WDR7: variants seen among roughly 807,000 people sequenced by gnomAD.
WDR7 encodes WD repeat domain 7.
A neutral mutation model predicts 169.4 loss-of-function variants in WDR7; 46 were observed. The ratio of observed to expected loss-of-function variants is 0.27; its 90% confidence interval spans 0.21 to 0.35. The LOEUF (loss-of-function observed/expected upper bound fraction) is 0.35, where lower values mean the gene tolerates loss of function less well. WDR7 is among the 10% of genes least tolerant of loss of function. The pLI, the probability that WDR7 is intolerant of heterozygous loss-of-function variation, is 1.00. For missense variants in WDR7, 1,534 were observed against 1,859.3 expected, an observed-to-expected ratio of 0.83 and a Z score of 3.22; for synonymous variants, 612 against 666.8, an observed-to-expected ratio of 0.92 and a Z score of 1.27.
intron 21 of WDR7, among the ~76,000 whole-genome samples, chr18:56,897,674 C>A (rs901240117): frequency 1.3e-5 from 2 of 151,472 alleles, no homozygotes; most frequent in African/African-American, 4.8e-5. Flanking sequence ...TATTGTTGAG[C>A]CAAATAAAAG....
chr18:56,801,427 A>ATC (rs1715160594), intron 19 of WDR7, among the ~76,000 whole-genome samples: 1 of 152,204 alleles, frequency 6.6e-6, no homozygotes. Flanking sequence ...TCTACAGTTC[A>ATC]TCCTGGGTTC....
chr18:56,765,534 A>G (rs1418790141), intron 16 of WDR7, among the ~76,000 whole-genome samples: 3 of 151,908 alleles, frequency 2.0e-5, no homozygotes, highest in Non-Finnish European at 2.9e-5. Context: ...AGCATTTCTC[A>G]TCTCCTGGTC....
intron 12 of WDR7, among the ~76,000 whole-genome samples, chr18:56,711,896 A>G (rs1598982157): frequency 6.6e-6 from 1 of 152,116 alleles, no homozygotes. Flanking sequence ...ACAAGAGATA[A>G]TGATTAAGAG....
chr18:56,661,249 A>G (rs1465040479), intron 1 of WDR7, among the ~76,000 whole-genome samples: 1 of 152,090 alleles, frequency 6.6e-6, no homozygotes, highest in Non-Finnish European at 1.5e-5. Context: ...AGTTGGTTCA[A>G]CCAAATGGAA....
In WDR7 at chr18:56,779,172, G is replaced by C. The variant is rs576840084; in HGVS notation, c.2948-259G>C. On this transcript the variant is annotated intron_variant, in intron 17 of 27. Coordinates refer to ENST00000254442, the MANE Select transcript of WDR7 (RefSeq NM_015285.3). Reference sequence around the variant, plus strand: ...AGAAATGTGTTTTTCTTGTGAATTTGGATATACTTCCAGTGGAAATTTATT... The same window carrying C: ...AGAAATGTGTTTTTCTTGTGAATTTCGATATACTTCCAGTGGAAATTTATT... Among the ~76,000 whole-genome samples, 264 of 152,144 alleles carry C rather than the reference G, an allele frequency of 1.7e-3. 3 individuals carry two copies. The highest frequency in any genetic ancestry group is 5.8e-3 in the African/African-American group (241 of 41,524).
chr18:56,731,744 G>A (rs1345956607), intron 14 of WDR7, 147 bp downstream of exon 14: 2 of 719,946 alleles, frequency 2.8e-6, no homozygotes, highest in South Asian at 2.7e-5. Flanking sequence ...TATCCAACAT[G>A]GTTTGAGTTT....
rs116182356 is a variant in WDR7 at position 56,770,921 on chromosome 18, G to T, written c.2849-5861G>T. Among the ~76,000 whole-genome samples, 1,361 of 152,096 alleles carry T rather than the reference G, an allele frequency of 8.9e-3. 22 individuals are homozygous for T. Among genetic ancestry groups the T allele is most frequent in the African/African-American group, 0.028 (1,179 of 41,486 alleles). The stretch of plus-strand genomic sequence containing the variant: ...ATGAATGAGTCCATCACTTAAATAA[G>T]GTTTGCATATATTGTTTGTATCAGC... On this transcript the variant is annotated intron_variant, in intron 16 of 27. Coordinates refer to ENST00000254442, the MANE Select transcript of WDR7 (RefSeq NM_015285.3).
intron 19 of WDR7, among the ~76,000 whole-genome samples, chr18:56,793,495 G>A (rs1419771648): frequency 6.6e-6 from 1 of 152,184 alleles, no homozygotes; most frequent in East Asian, 1.9e-4. Flanking sequence ...TGTAGAATCA[G>A]TAAATCAATT....
chr18:56,828,176 C>T (rs1057507317), intron 20 of WDR7, among the ~76,000 whole-genome samples: 3 of 152,168 alleles, frequency 2.0e-5, no homozygotes, highest in Non-Finnish European at 4.4e-5. Flanking sequence ...TAAGCCATAT[C>T]CAAACTACCA....
intron 26 of WDR7, among the ~76,000 whole-genome samples, chr18:57,010,937 C>T (rs61090157): frequency 6.6e-6 from 1 of 152,258 alleles, no homozygotes; most frequent in East Asian, 1.9e-4. Context: ...ATGATGATTA[C>T]AGCGTTTTTA....
chr18:56,961,122 T>C (rs2047333445), intron 25 of WDR7, among the ~76,000 whole-genome samples: 1 of 152,154 alleles, frequency 6.6e-6, no homozygotes, highest in African/African-American at 2.4e-5. Flanking sequence ...AATGGTTTGT[T>C]TTCCAGATTT....
intron 14 of WDR7, among the ~76,000 whole-genome samples, chr18:56,735,491 TTTTTC>T (rs1206151313): frequency 1.3e-5 from 2 of 152,150 alleles, no homozygotes; most frequent in East Asian, 3.9e-4. Context: ...TGGTATTATT[TTTTTC>T]CTAAATAGAT....
rs182150027 is a variant in WDR7, at chr18:57,024,895, T to C, written c.4270-2109T>C. The stretch of plus-strand genomic sequence containing the variant: ...CTATTCTCAGGCAGGAATAGGGATA[T>C]GTGAACTATGATAGTTATGTCCCTT... On this transcript the variant is annotated intron_variant, in intron 27 of 27. Transcript: ENST00000254442. 7.3e-4 allele frequency among the ~76,000 whole-genome samples: 85 copies of C among 116,018 alleles called. 13 individuals are homozygous for C. The highest frequency in any genetic ancestry group is 3.4e-3 in the African/African-American group (79 of 23,360). 76.1% of individuals were successfully genotyped at this position (116,018 alleles called of 152,430 possible). A position where few individuals can be genotyped will look rare whatever the true frequency, so the allele number is the denominator to read the frequency against.
chr18:56,694,002 TG>T (rs1321973141), intron 9 of WDR7, among the ~76,000 whole-genome samples: 8 of 151,856 alleles, frequency 5.3e-5, no homozygotes, highest in Non-Finnish European at 1.2e-4. Flanking sequence ...CCTGAATACC[TG>T]GAGCTATGAG....
At chr18:56,687,114 A>G (rs1371910640) in intron 7 of WDR7, 140 bp downstream of exon 7, 4 of 868,748 alleles carry the variant, frequency 4.6e-6, no homozygotes, top group African/African-American at 1.7e-5. Flanking sequence ...TTGATATCAC[A>G]TTTTGAGAAG....
chr18:56,715,868 T>C (rs2026180552), intron 12 of WDR7, among the ~76,000 whole-genome samples: 1 of 152,126 alleles, frequency 6.6e-6, no homozygotes, highest in Admixed American at 6.5e-5. Flanking sequence ...TGTTGCAAAA[T>C]AGAATATTGT....
At chr18:56,933,801 G>C (rs1413779609) in intron 22 of WDR7, among the ~76,000 whole-genome samples, 8 of 152,180 alleles carry the variant, frequency 5.3e-5, no homozygotes, top group Non-Finnish European at 1.0e-4. Context: ...ACTTCATAGG[G>C]ATATTCTGGA....
At chr18:56,983,970 C>T (rs750316688) in intron 26 of WDR7, among the ~76,000 whole-genome samples, 1 of 151,896 alleles carries the variant, frequency 6.6e-6, no homozygotes, top group Non-Finnish European at 1.5e-5. Context: ...AAACATATTA[C>T]ACTTCTTCCT....
At chr18:56,967,070 T>C (rs1599201798) in intron 26 of WDR7, among the ~76,000 whole-genome samples, 1 of 152,324 alleles carries the variant, frequency 6.6e-6, no homozygotes, top group South Asian at 2.1e-4. Flanking sequence ...ATTGGAAATA[T>C]ATTGCATTAC....
Sources: allele counts gnomAD v4.1 joint callset (sites outside exome capture counted in the v4.1 genomes callset), GRCh38; gene constraint gnomAD v4.1.1; transcripts MANE v1.5; gene names NCBI Gene and HGNC (gene_info 2026-07-23, HGNC 2026-07-21).